The following PKHD1 variants were observed in gnomAD, a reference collection of about 807,000 sequenced individuals.
PKHD1 encodes the protein fibrocystin.
PKHD1 carries 291 observed loss-of-function variants against 412.0 expected under a neutral mutation model. That is an observed-to-expected ratio of 0.71 (90% CI 0.64 to 0.78). The LOEUF (loss-of-function observed/expected upper bound fraction) is 0.78, where lower values mean the gene tolerates loss of function less well. PKHD1 is among the 30% of genes least tolerant of loss of function. The probability of loss-of-function intolerance (pLI) is 0.00; values close to 1 mark genes in which losing one functional copy is unlikely to be tolerated. For synonymous variants in PKHD1, 1,777 were observed against 1,821.5 expected, an observed-to-expected ratio of 0.98 and a Z score of 0.62; for missense variants, 4,825 against 4,950.7, an observed-to-expected ratio of 0.97 and a Z score of 0.76.
chr6:51,851,500 G>T (rs544487533), intron 49 of PKHD1, among the ~76,000 whole-genome samples: 125 of 152,310 alleles, frequency 8.2e-4, no homozygotes, highest in Non-Finnish European at 1.5e-3. Flanking sequence ...ACCTCTGGTA[G>T]AATTCAGCTG....
intron 37 of PKHD1, 34 bp from the exon 38 acceptor site, chr6:51,912,610 T>A: frequency 7.4e-7 from 1 of 1,353,954 alleles, no homozygotes; most frequent in Non-Finnish European, 1.1e-6. Flanking sequence ...GTCCAGATAA[T>A]TTAATCATTA....
chr6:51,918,041 G>A (rs1240006728), intron 37 of PKHD1, among the ~76,000 whole-genome samples: 2 of 152,072 alleles, frequency 1.3e-5, no homozygotes, highest in African/African-American at 2.4e-5. Flanking sequence ...GGGAAACTGA[G>A]AGCCTGATGT....
chr6:51,720,990 A>C (rs139876602), intron 60 of PKHD1: 1 of 984,260 alleles, frequency 1.0e-6, no homozygotes, highest in African/African-American at 1.7e-5. Context: ...CAAAGGTAGC[A>C]ATTTTAGGAT....
At chr6:51,780,890 C>T (rs1308647387) in intron 53 of PKHD1, among the ~76,000 whole-genome samples, 1 of 152,140 alleles carries the variant, frequency 6.6e-6, no homozygotes, top group African/African-American at 2.4e-5. Context: ...TCCAAAGCAA[C>T]AAATTGTATT....
intron 63 of PKHD1, among the ~76,000 whole-genome samples, chr6:51,645,634 T>C (rs1769995272): frequency 6.6e-6 from 1 of 152,202 alleles, no homozygotes. Flanking sequence ...CCTCAAGTGA[T>C]CCAGCCACCT....
intron 35 of PKHD1, among the ~76,000 whole-genome samples, chr6:51,999,141 A>C (rs1173330203): frequency 6.6e-6 from 1 of 152,256 alleles, no homozygotes; most frequent in African/African-American, 2.4e-5. Flanking sequence ...AAGAACAGAA[A>C]GTGGAAAAAG....
chr6:51,688,468 T>A, intron 60 of PKHD1, among the ~76,000 whole-genome samples: 1 of 147,794 alleles, frequency 6.8e-6, no homozygotes, highest in Non-Finnish European at 1.5e-5. Context: ...AAACAAGAAA[T>A]AACCAAGATC....
chr6:51,636,849 C>T (rs1768642228), intron 64 of PKHD1, among the ~76,000 whole-genome samples: 1 of 152,160 alleles, frequency 6.6e-6, no homozygotes, highest in African/African-American at 2.4e-5. Context: ...TTTTTATCCT[C>T]CATCTATTCT....
At chr6:51,631,204 T>A (rs532859870) in intron 65 of PKHD1, among the ~76,000 whole-genome samples, 23 of 152,266 alleles carry the variant, frequency 1.5e-4, no homozygotes, top group African/African-American at 5.3e-4. Context: ...TAAAAATTTA[T>A]GAAAATTCTA....
intron 50 of PKHD1, among the ~76,000 whole-genome samples, chr6:51,838,121 T>C (rs788505): frequency 1.3e-5 from 2 of 152,034 alleles, no homozygotes; most frequent in African/African-American, 4.8e-5. Flanking sequence ...TCTAAAGTTC[T>C]AAAGTACTTC....
rs777858056 is a variant in PKHD1, at chr6:51,632,558, T to C, written c.11665+7A>G. The C allele has an allele frequency of 5.0e-6, 8 of 1,605,544 alleles. No homozygotes were observed. Among genetic ancestry groups the C allele is most frequent in the Non-Finnish European group, 6.0e-6 (7 of 1,173,876 alleles). ...TTTCATTCCAAAATAAAAAAAAAAC[T>C]ACATACTTCTGCTTTTGCTTCTTTT... is the stretch of plus-strand genomic sequence containing the variant. On this transcript the variant is annotated splice_region_variant and intron_variant, in intron 65 of 66. Transcript: ENST00000371117.
intron 35 of PKHD1, among the ~76,000 whole-genome samples, chr6:51,988,338 A>G (rs1796458460): frequency 6.6e-6 from 1 of 152,170 alleles, no homozygotes. Flanking sequence ...TATTTTAAAT[A>G]TAATATCTCA....
intron 35 of PKHD1, among the ~76,000 whole-genome samples, chr6:52,008,471 G>T (rs1207125082): frequency 6.6e-6 from 1 of 152,132 alleles, no homozygotes; most frequent in Admixed American, 6.5e-5. Flanking sequence ...CCTTGAACAT[G>T]GTTGGAACTC....
rs1766174886 is a variant in PKHD1, at chr6:51,617,583, T to A, written c.*1498A>T. ...GACCTTAACATCTACTTATATTTTC[T>A]TCCAAATCCAACACAGTGACCACAG... is the stretch of plus-strand genomic sequence containing the variant. On this transcript the variant is annotated 3_prime_UTR_variant, in exon 67 of 67. Coordinates refer to ENST00000371117, the MANE Select transcript of PKHD1 (RefSeq NM_138694.4). 1 of 152,168 alleles carries A rather than the reference T, an allele frequency of 6.6e-6. No individual in the cohort carries two copies. Among genetic ancestry groups the A allele is most frequent in the Admixed American group, 6.5e-5 (1 of 15,286 alleles). The allele number at this position is 152,168 out of a possible 1,614,324, so 9.4% of individuals were successfully genotyped here.
intron 5 of PKHD1, among the ~76,000 whole-genome samples, chr6:52,076,890 A>G (rs1238304780): frequency 6.6e-6 from 1 of 152,234 alleles, no homozygotes; most frequent in African/African-American, 2.4e-5. Context: ...AACTGAAGAT[A>G]CCTGCTGTGA....
At chr6:51,847,708 G>T in intron 50 of PKHD1, 67 bp downstream of exon 50, 1 of 1,130,142 alleles carries the variant, frequency 8.8e-7, no homozygotes, top group Non-Finnish European at 1.3e-6. Context: ...CAAATGTCTG[G>T]AATTGAAGGG....
chr6:51,692,867 A>G (rs1247744638), intron 60 of PKHD1, among the ~76,000 whole-genome samples: 1 of 152,150 alleles, frequency 6.6e-6, no homozygotes, highest in East Asian at 1.9e-4. Flanking sequence ...CACTATTCTC[A>G]GTAATGTTAT....
chr6:51,939,220 C>A (rs1020185616), intron 36 of PKHD1, among the ~76,000 whole-genome samples: 44 of 150,988 alleles, frequency 2.9e-4, no homozygotes, highest in African/African-American at 1.0e-3. Flanking sequence ...GGGGCAAGAA[C>A]CCCCCCAACC....
intron 65 of PKHD1, 38 bp from the exon 66 acceptor site, chr6:51,627,154 GTT>G: frequency 1.3e-6 from 2 of 1,599,592 alleles, no homozygotes; most frequent in Non-Finnish European, 1.7e-6. Flanking sequence ...TTTTTGTTCA[GTT>G]GTAAGTGGGA....
Sources: gnomAD v4.1 joint callset for allele counts (sites outside exome capture counted in the v4.1 genomes callset) on GRCh38, gnomAD v4.1.1 for gene constraint, MANE v1.5 for transcripts, NCBI Gene and HGNC (gene_info 2026-07-23, HGNC 2026-07-21) for gene names.